CELF1: variants seen among roughly 807,000 people sequenced by gnomAD.
The protein encoded by CELF1 is 50 kDa nuclear polyadenylated RNA-binding protein.
CELF1 carries 10 observed loss-of-function variants against 61.8 expected under a neutral mutation model. The observed-to-expected ratio is 0.16, with a 90% CI of 0.10 to 0.27. CELF1 has a LOEUF of 0.27. Among genes scored for constraint, CELF1 ranks in the 10% least tolerant of loss-of-function variants. The pLI is 1.00. For synonymous variants in CELF1, 236 were observed against 225.1 expected, an observed-to-expected ratio of 1.05 and a Z score of -0.43; for missense variants, 380 against 639.1, an observed-to-expected ratio of 0.59 and a Z score of 4.37.
intron 1 of CELF1, among the ~76,000 whole-genome samples, chr11:47,503,912 C>G (rs146800193): frequency 6.6e-6 from 1 of 152,202 alleles, no homozygotes. Context: ...ACAGGCTTCA[C>G]GCCTATATTC....
intron 1 of CELF1, among the ~76,000 whole-genome samples, chr11:47,531,232 G>A (rs749717330): frequency 1.3e-5 from 2 of 151,526 alleles, no homozygotes; most frequent in Non-Finnish European, 2.9e-5. Context: ...GTCACAGCAA[G>A]ACTCCGAATC....
intron 1 of CELF1, among the ~76,000 whole-genome samples, chr11:47,527,295 GT>G (rs1328270283): frequency 6.6e-6 from 1 of 152,146 alleles, no homozygotes; most frequent in African/African-American, 2.4e-5. Flanking sequence ...GGGGGCTGAG[GT>G]GGGAAGATTC....
intron 13 of CELF1, among the ~76,000 whole-genome samples, chr11:47,474,404 A>G (rs1405435876): frequency 6.6e-6 from 1 of 152,178 alleles, no homozygotes. Flanking sequence ...CTCTGCTTAA[A>G]TGTCAATCTA....
intron 1 of CELF1, among the ~76,000 whole-genome samples, chr11:47,541,793 C>A (rs11039282): frequency 0.24 from 3,189 of 13,444 alleles, 753 homozygotes; most frequent in African/African-American, 0.39. Context: ...AAAGAAAGAA[C>A]GAAAGAAAGA....
intron 2 of CELF1, among the ~76,000 whole-genome samples, chr11:47,500,256 T>C (rs968227685): frequency 2.0e-5 from 3 of 152,186 alleles, no homozygotes; most frequent in East Asian, 1.9e-4. Flanking sequence ...CCTTGCTTTC[T>C]TGATGTGCTA....
intron 2 of CELF1, among the ~76,000 whole-genome samples, chr11:47,559,048 ATAT>A (rs1320438874): frequency 1.4e-5 from 2 of 142,434 alleles, no homozygotes; most frequent in African/African-American, 5.2e-5. Flanking sequence ...ACATATAATA[ATAT>A]AATATGTTAT....
At chr11:47,534,215 A>G (rs1287895254) in intron 1 of CELF1, among the ~76,000 whole-genome samples, 1 of 150,720 alleles carries the variant, frequency 6.6e-6, no homozygotes, top group Non-Finnish European at 1.5e-5. Context: ...TTTCTAGTAG[A>G]GATGGGGTTT....
chr11:47,483,555 C>T (rs1447601329), intron 7 of CELF1, 23 bp from the exon 8 acceptor site: 1 of 1,567,078 alleles, frequency 6.4e-7, no homozygotes, highest in Non-Finnish European at 8.8e-7. Flanking sequence ...GAGTCAGTAA[C>T]TCATGCATTC....
At chr11:47,544,275 C>A (rs2096878519) in intron 1 of CELF1, among the ~76,000 whole-genome samples, 1 of 152,166 alleles carries the variant, frequency 6.6e-6, no homozygotes, top group Admixed American at 6.5e-5. Flanking sequence ...ATTACTGACC[C>A]AAGAGACTAG....
At position 47,472,106 on chromosome 11, in the gene CELF1, C is replaced by G; in HGVS notation, c.*124G>C. 8.7e-7 allele frequency: 1 copy of G among 1,154,380 alleles called. No homozygotes were observed. The allele number at this position is 1,154,380 out of a possible 1,614,324, so 71.5% of individuals were successfully genotyped here. On this transcript the variant is annotated 3_prime_UTR_variant, in exon 15 of 15. Coordinates refer to ENST00000687097, the MANE Select transcript of CELF1 (RefSeq NM_001376376.1). Reference sequence around the variant, plus strand: ...GAGTCTTCAGGGCAAGCTGTGCCTGCGAGAGTGGCAGGGATCAGGGTCCAG... The same window carrying G: ...GAGTCTTCAGGGCAAGCTGTGCCTGGGAGAGTGGCAGGGATCAGGGTCCAG...
chr11:47,473,314 TGTTAA>T, intron 13 of CELF1, 83 bp from the exon 14 acceptor site: 2 of 1,278,216 alleles, frequency 1.6e-6, no homozygotes, highest in Non-Finnish European at 2.2e-6. Context: ...TTTCCACCTA[TGTTAA>T]AACTGTCACA....
chr11:47,563,220 GAA>G (rs1290807670), intron 2 of CELF1, among the ~76,000 whole-genome samples: 1 of 135,374 alleles, frequency 7.4e-6, no homozygotes. Context: ...CTGTTTCCTA[GAA>G]AAAAAAAAAA....
At chr11:47,495,166 T>C (rs1336437789) in intron 3 of CELF1, among the ~76,000 whole-genome samples, 1 of 152,234 alleles carries the variant, frequency 6.6e-6, no homozygotes, top group Non-Finnish European at 1.5e-5. Flanking sequence ...AGTGGAAAAG[T>C]TGCAACTAGA....
At chr11:47,500,996 A>T in intron 1 of CELF1, 64 bp from the exon 2 acceptor site, 1 of 398,158 alleles carries the variant, frequency 2.5e-6, no homozygotes, top group Non-Finnish European at 4.4e-6. Context: ...AAAAAAAAGA[A>T]AGGCAACACA....
chr11:47,545,913 A>ATGTGTGTG lies in CELF1; in HGVS notation c.-154+7078_-154+7079insCACACACA, dbSNP rs2096931500. ...TGTGTGTGTGTGTGTGTGTATATAT[A>ATGTGTGTG]TATTTTTTTTTTTTTGAGATGGAGT... is the stretch of plus-strand genomic sequence containing the variant. On this transcript the variant is annotated intron_variant, in intron 1 of 14. Transcript: ENST00000687097. 7.2e-5 allele frequency among the ~76,000 whole-genome samples: 9 copies of ATGTGTGTG among 124,918 alleles called. No homozygotes were observed. The Admixed American group carries it at 7.5e-4, about 10-fold the overall frequency. 82.0% of individuals were successfully genotyped at this position (124,918 alleles called of 152,430 possible).
chr11:47,486,585 T>C (rs1162523213), intron 6 of CELF1, among the ~76,000 whole-genome samples, 165 bp downstream of exon 6: 2 of 152,156 alleles, frequency 1.3e-5, no homozygotes, highest in Non-Finnish European at 2.9e-5. Context: ...AATGTTTGTA[T>C]TTTTAGTAGA....
intron 4 of CELF1, among the ~76,000 whole-genome samples, chr11:47,488,378 G>A (rs1448137193): frequency 6.6e-6 from 1 of 152,156 alleles, no homozygotes; most frequent in East Asian, 1.9e-4. Context: ...CAAGGCCTCT[G>A]TAATACTAAC....
At chr11:47,556,347 A>G (rs149443654), upstream of CELF1, among the ~76,000 whole-genome samples, 26 of 152,092 alleles carry the variant, frequency 1.7e-4, no homozygotes, top group East Asian at 1.5e-3. Flanking sequence ...ACCATGTCCA[A>G]CTAATTTTTT....
At chr11:47,559,364 CTTTT>C (rs112399460) in intron 2 of CELF1, among the ~76,000 whole-genome samples, 1 of 138,788 alleles carries the variant, frequency 7.2e-6, no homozygotes, top group South Asian at 2.3e-4. Flanking sequence ...TTCGCCTGGC[CTTTT>C]TTTTTTTTGT....
Sources: allele counts gnomAD v4.1 joint callset (sites outside exome capture counted in the v4.1 genomes callset), GRCh38; gene constraint gnomAD v4.1.1; transcripts MANE v1.5; gene names NCBI Gene and HGNC (gene_info 2026-07-23, HGNC 2026-07-21).